GPM6A: variants seen among roughly 807,000 people sequenced by gnomAD.
GPM6A encodes the protein neuronal membrane glycoprotein M6-a.
GPM6A carries 7 observed loss-of-function variants against 32.1 expected under a neutral mutation model. The ratio of observed to expected loss-of-function variants is 0.22; its 90% CI spans 0.12 to 0.41. The LOEUF (loss-of-function observed/expected upper bound fraction) is 0.41, where lower values mean the gene tolerates loss of function less well. Ranked by LOEUF, GPM6A falls within the 10% of genes least tolerant of loss-of-function variation. The pLI is 1.00. For synonymous variants in GPM6A, 130 were observed against 123.4 expected, an observed-to-expected ratio of 1.05 and a Z score of -0.35; for missense variants, 235 against 347.2, an observed-to-expected ratio of 0.68 and a Z score of 2.57.
chr4:175,882,046 A>G (rs1342602175), intron 1 of GPM6A, among the ~76,000 whole-genome samples: 1 of 151,922 alleles, frequency 6.6e-6, no homozygotes, highest in East Asian at 1.9e-4. Flanking sequence ...GATTAGAATG[A>G]TTTTCATATA....
At chr4:175,986,245 C>T (rs1238437141) in intron 1 of GPM6A, among the ~76,000 whole-genome samples, 1 of 152,132 alleles carries the variant, frequency 6.6e-6, no homozygotes, top group Non-Finnish European at 1.5e-5. Flanking sequence ...ATTTTTAGGA[C>T]ACTTTTAGGC....
chr4:175,914,293 T>C (rs1024273223), intron 1 of GPM6A, among the ~76,000 whole-genome samples: 1 of 152,180 alleles, frequency 6.6e-6, no homozygotes, highest in African/African-American at 2.4e-5. Context: ...CATGCATTTG[T>C]TTCATGCTCA....
chr4:175,707,388 T>C (rs1313653012), intron 1 of GPM6A, among the ~76,000 whole-genome samples: 1 of 152,228 alleles, frequency 6.6e-6, no homozygotes, highest in Non-Finnish European at 1.5e-5. Context: ...ATGAATGTCA[T>C]GGCTATTCAT....
intron 1 of GPM6A, among the ~76,000 whole-genome samples, chr4:175,822,688 T>C (rs62336111): frequency 1.2e-3 from 185 of 151,164 alleles, no homozygotes; most frequent in South Asian, 4.8e-3. Context: ...GTACTTTAAG[T>C]TCTGGGATAC....
chr4:175,900,497 C>A (rs1462047492), intron 1 of GPM6A, among the ~76,000 whole-genome samples: 17 of 144,230 alleles, frequency 1.2e-4, no homozygotes, highest in Admixed American at 2.1e-4. Flanking sequence ...ATACAAATGG[C>A]AAAAAAAAAA....
chr4:175,965,213 G>A (rs530032836), intron 1 of GPM6A, among the ~76,000 whole-genome samples: 2 of 152,106 alleles, frequency 1.3e-5, no homozygotes, highest in East Asian at 3.9e-4. Flanking sequence ...AGCAAACAAA[G>A]TATGCTCTCA....
At chr4:175,794,220 T>C (rs931347372) in intron 1 of GPM6A, among the ~76,000 whole-genome samples, 1 of 152,150 alleles carries the variant, frequency 6.6e-6, no homozygotes, top group Admixed American at 6.5e-5. Flanking sequence ...GTATCTTATT[T>C]GTATAGTTAT....
intron 1 of GPM6A, among the ~76,000 whole-genome samples, chr4:175,836,657 G>C (rs1166196930): frequency 1.3e-5 from 2 of 151,952 alleles, no homozygotes; most frequent in Non-Finnish European, 2.9e-5. Flanking sequence ...TCCTAAGGCA[G>C]GAATATGTTA....
chr4:175,726,566 C>T (rs6821651), intron 1 of GPM6A, among the ~76,000 whole-genome samples: 85,449 of 151,934 alleles, frequency 0.56, 24,296 homozygotes, highest in Non-Finnish European at 0.61. Context: ...TGAAGCTTTA[C>T]ATTTTATAAT....
In GPM6A at chr4:175,687,762, T is replaced by C. The variant is rs372328478; in HGVS notation, c.230+13813A>G. Among the ~76,000 whole-genome samples, 403 of 152,300 alleles carry C rather than the reference T, an allele frequency of 2.6e-3. 4 individuals are homozygous for C. The highest frequency in any genetic ancestry group is 9.3e-3 in the African/African-American group (387 of 41,560). ...CAAGGAACTGCCAAACTGTTTTCCA[T>C]AGTGGCTGCCCAATTTTACATTCTT... On this transcript the variant is annotated intron_variant, in intron 2 of 6. Transcript: ENST00000393658.
At chr4:175,803,610 G>A (rs1180868441) in intron 1 of GPM6A, among the ~76,000 whole-genome samples, 1 of 152,036 alleles carries the variant, frequency 6.6e-6, no homozygotes, top group African/African-American at 2.4e-5. Context: ...TAAACCCAAA[G>A]ATAATGGTAG....
chr4:175,709,534 C>A (rs1464441018), intron 1 of GPM6A, among the ~76,000 whole-genome samples: 1 of 151,944 alleles, frequency 6.6e-6, no homozygotes, highest in African/African-American at 2.4e-5. Context: ...TCCAGACCAG[C>A]CTGGCCAACA....
intron 1 of GPM6A, among the ~76,000 whole-genome samples, chr4:175,752,763 C>G (rs1387388971): frequency 6.6e-6 from 1 of 152,104 alleles, no homozygotes; most frequent in Non-Finnish European, 1.5e-5. Flanking sequence ...TGTTCTGGAG[C>G]ATCTCCAAGT....
intron 1 of GPM6A, among the ~76,000 whole-genome samples, chr4:175,789,389 C>T (rs1733921975): frequency 6.6e-6 from 1 of 152,148 alleles, no homozygotes; most frequent in East Asian, 1.9e-4. Flanking sequence ...ATTGATCTCA[C>T]ATGTTGATTG....
intron 1 of GPM6A, among the ~76,000 whole-genome samples, chr4:175,734,162 T>TATA (rs1560903510): frequency 9.0e-5 from 12 of 133,596 alleles, no homozygotes; most frequent in African/African-American, 1.3e-4. Context: ...ATATATATAT[T>TATA]TTTTAATTTC....
intron 1 of GPM6A, among the ~76,000 whole-genome samples, chr4:175,931,748 GTAGA>G (rs1402193522): frequency 6.7e-6 from 1 of 149,906 alleles, no homozygotes; most frequent in Non-Finnish European, 1.5e-5. Flanking sequence ...TGCAATGAGA[GTAGA>G]TAAACTCAAA....
rs537428514 is a variant in GPM6A, at chr4:175,857,833, A to C, written c.-22-45584T>G. Among the ~76,000 whole-genome samples the C allele has an allele frequency of 4.6e-5, 7 of 152,304 alleles. No homozygotes were observed. In the South Asian group the frequency reaches 1.4e-3, roughly 32 times the overall value. ...AAACAAAACAAGGATGTTTGCCTTT[A>C]CCACGTATATTCATGAATATACTAG... On this transcript the variant is annotated intron_variant, in intron 1 of 7. Transcript: ENST00000280187.
rs145396202 is a variant in GPM6A, at chr4:175,770,516, C to A, written c.37+41675G>T. Among the ~76,000 whole-genome samples, 123 of 152,296 alleles carry A rather than the reference C, an allele frequency of 8.1e-4. 1 individual carries two copies. The highest frequency in any genetic ancestry group is 1.6e-3 in the Non-Finnish European group (106 of 68,032). ...AGAATGAATTTCAGGCTTATAACTT[C>A]CATTTTGATCTGCCCGTTGCTTGAC... On this transcript the variant is annotated intron_variant, in intron 1 of 6. Coordinates refer to ENST00000393658, the MANE Select transcript of GPM6A (RefSeq NM_201591.3).
intron 1 of GPM6A, among the ~76,000 whole-genome samples, chr4:175,841,291 A>G (rs1222090820): frequency 2.0e-5 from 3 of 152,176 alleles, no homozygotes; most frequent in Admixed American, 1.3e-4. Context: ...AAAATTGGAA[A>G]TGGATTCTGG....
Sources: allele counts gnomAD v4.1 joint callset (sites outside exome capture counted in the v4.1 genomes callset), GRCh38; gene constraint gnomAD v4.1.1; transcripts MANE v1.5; gene names NCBI Gene and HGNC (gene_info 2026-07-23, HGNC 2026-07-21).